STRIP1: variants seen among roughly 807,000 people sequenced by gnomAD.
STRIP1 encodes striatin-interacting protein 1.
In STRIP1, 63 loss-of-function variants were observed where a neutral mutation model predicts 106.2. The observed-to-expected ratio is 0.59, with a 90% CI of 0.48 to 0.73. STRIP1 has a LOEUF of 0.73. Ranked by LOEUF, STRIP1 falls within the 30% of genes least tolerant of loss-of-function variation. The pLI is 0.00. For missense variants in STRIP1, 857 were observed against 1,074.8 expected (o/e 0.80, Z 2.83); for synonymous variants, 390 against 413.0 (o/e 0.94, Z 0.67).
At chr1:110,047,741 G>A in intron 14 of STRIP1, 31 bp from the exon 15 acceptor site, 1 of 1,553,546 alleles carries the variant, frequency 6.4e-7, no homozygotes, top group Non-Finnish European at 8.7e-7. Context: ...TGGGCTCTCA[G>A]ACCTGTGTCT....
chr1:110,041,591 G>A lies in STRIP1; in HGVS notation c.706G>A (p.Gly236Ser), dbSNP rs1390075183. Residue 236 changes from glycine to serine, a missense_variant, in exon 7 of 21, where the codon GGT (glycine) becomes AGT (serine). Coordinates refer to ENST00000369795, the MANE Select transcript of STRIP1 (RefSeq NM_033088.4). ...GGAGACCGTTCATCAGGAGTGTGAG[G>A]GTGACAAGGCTGAGTGGAGGACCAT... ...IVETVHQECE[G>S]DKAEWRTMRQ... 1 of 1,614,104 alleles carries A rather than the reference G, an allele frequency of 6.2e-7. No individual in the cohort carries two copies. Among genetic ancestry groups the A allele is most frequent in the Admixed American group, 1.7e-5 (1 of 60,014 alleles).
At chr1:110,050,521 T>C in intron 18 of STRIP1, 112 bp downstream of exon 18, 1 of 1,028,218 alleles carries the variant, frequency 9.7e-7, no homozygotes, top group Non-Finnish European at 1.5e-6. Flanking sequence ...GTGAAATCAC[T>C]GTGGAGTGCC....
chr1:110,045,010 T>C lies in STRIP1; in HGVS notation c.1353-5T>C, dbSNP rs773639821. ...GCTCAACACAGGGCCTTCTTTATTC[T>C]CCAGTGACACGAACACAGTGGTGGG... On this transcript the variant is annotated splice_region_variant and splice_polypyrimidine_tract_variant and intron_variant, in intron 11 of 20. Transcript: ENST00000369795. 20 of 1,614,032 alleles carry C rather than the reference T, an allele frequency of 1.2e-5. No homozygotes were observed. Among genetic ancestry groups the C allele is most frequent in the Non-Finnish European group, 1.7e-5 (20 of 1,180,020 alleles).
At chr1:110,041,253 C>T (rs542429321) in intron 6 of STRIP1, 4 of 269,376 alleles carry the variant, frequency 1.5e-5, no homozygotes, top group East Asian at 8.2e-5. Flanking sequence ...CTGGGCGTCA[C>T]CTCTCAGCTC....
chr1:110,049,328 T>C, intron 16 of STRIP1, 90 bp downstream of exon 16: 1 of 1,593,086 alleles, frequency 6.3e-7, no homozygotes, highest in Non-Finnish European at 8.6e-7. Context: ...CCTTGGCCTT[T>C]GACCCACTTG....
At chr1:110,046,901 T>C in intron 13 of STRIP1, 150 bp downstream of exon 13, 1 of 502,982 alleles carries the variant, frequency 2.0e-6, no homozygotes, top group East Asian at 3.7e-5. Flanking sequence ...AAAAAAAAAA[T>C]TAGCCAGCCG....
chr1:110,040,551 G>A, intron 5 of STRIP1, 84 bp from the exon 6 acceptor site: 1 of 1,322,964 alleles, frequency 7.6e-7, no homozygotes, highest in East Asian at 2.5e-5. Flanking sequence ...ACAGCATTTT[G>A]TTTCCCCATT....
intron 5 of STRIP1, 131 bp from the exon 6 acceptor site, chr1:110,040,504 G>A (rs965328354): frequency 1.9e-5 from 15 of 789,954 alleles, no homozygotes; most frequent in Admixed American, 2.9e-5. Flanking sequence ...CTTAACCACC[G>A]TGTCCTGTGG....
chr1:110,053,869 A>C lies in STRIP1; in HGVS notation c.2471A>C (p.Glu824Ala). Residue 824 changes from glutamate to alanine, a missense_variant, in exon 21 of 21, where the codon GAG becomes GCG. Glu to Ala is a moderately radical substitution (Grantham distance 107). This residue lies in a region of STRIP1 where 750 missense variants were observed against 989.8 expected (regional missense o/e 0.76). Coordinates refer to ENST00000369795, the MANE Select transcript of STRIP1 (RefSeq NM_033088.4). ...AACTATGACCTCTGGTTAGAAAGGG[A>C]GGTCTTCTCCAAGCCCATTTCCTGG... Reference protein sequence around the residue: ...QMNYDLWLEREVFSKPISWEE... With the variant: ...QMNYDLWLERAVFSKPISWEE... 3 of 1,614,116 alleles carry C rather than the reference A, an allele frequency of 1.9e-6. No individual in the cohort carries two copies. Among genetic ancestry groups the C allele is most frequent in the Non-Finnish European group, 2.5e-6 (3 of 1,180,020 alleles).
At chr1:110,047,253 C>A (rs1366724464) in intron 13 of STRIP1, among the ~76,000 whole-genome samples, 3 of 152,164 alleles carry the variant, frequency 2.0e-5, no homozygotes, top group African/African-American at 7.2e-5. Flanking sequence ...CTGGGTCCAC[C>A]ACTTTATGGA....
intron 10 of STRIP1, among the ~76,000 whole-genome samples, chr1:110,044,161 T>C (rs986034760): frequency 6.6e-6 from 1 of 152,212 alleles, no homozygotes; most frequent in African/African-American, 2.4e-5. Context: ...TAAGCAAACA[T>C]GTCTCCACCC....
chr1:110,034,594 C>A (rs1359506159), upstream of STRIP1: 5 of 1,468,108 alleles, frequency 3.4e-6, no homozygotes, highest in South Asian at 2.7e-5. Context: ...AGTTGCATCA[C>A]GGCGGCTGTG....
Position 110,053,963 on chromosome 1 carries a change from C to G in STRIP1, c.*51C>G. On this transcript the variant is annotated 3_prime_UTR_variant, in exon 21 of 21. Coordinates refer to ENST00000369795, the MANE Select transcript of STRIP1 (RefSeq NM_033088.4). ...GAGAGAAAAGATGATCTGAAGGTAC[C>G]TGTGGGACTGTCCTAGTTCATTGCT... is the stretch of plus-strand genomic sequence containing the variant. The G allele has an allele frequency of 6.2e-7, 1 of 1,601,370 alleles. No homozygotes were observed. The highest frequency in any genetic ancestry group is 8.5e-7 in the Non-Finnish European group (1 of 1,173,530).
chr1:110,049,240 T>A lies in STRIP1; in HGVS notation c.1788+2T>A. The A allele has an allele frequency of 6.2e-7, 1 of 1,614,094 alleles. No homozygotes were observed. Among genetic ancestry groups the A allele is most frequent in the Non-Finnish European group, 8.5e-7 (1 of 1,180,020 alleles). On this transcript the variant is annotated splice_donor_variant, in intron 16 of 20. Transcript: ENST00000369795. LOFTEE classifies it high-confidence loss of function. ...TTTAAGTTGAACCATGTCTACCAGG[T>A]ACCCACAGGGCTTTCCCTCCTGTCC... is the stretch of plus-strand genomic sequence containing the variant.
chr1:110,052,777 G>A (rs550985429), intron 20 of STRIP1, among the ~76,000 whole-genome samples: 1 of 152,040 alleles, frequency 6.6e-6, no homozygotes, highest in Non-Finnish European at 1.5e-5. Flanking sequence ...GCCTTCTCAG[G>A]GGGTTCTTGA....
chr1:110,050,042 T>A (rs185302033), intron 17 of STRIP1: 65 of 420,834 alleles, frequency 1.5e-4, no homozygotes, highest in Admixed American at 4.8e-4. Context: ...ATAAATTAGT[T>A]GCCCTGAGCT....
chr1:110,046,345 C>T (rs752697062), intron 12 of STRIP1, among the ~76,000 whole-genome samples: 1 of 152,006 alleles, frequency 6.6e-6, no homozygotes, highest in Non-Finnish European at 1.5e-5. Flanking sequence ...ACTAAAAATA[C>T]AAAAATTAGC....
Position 110,047,721 on chromosome 1 carries a change from A to G in STRIP1, c.1564-51A>G. The stretch of plus-strand genomic sequence containing the variant: ...CAACAGGAGGACTGCTCAGAGCTTA[A>G]TTTTGACCCTGGGCTCTCAGACCTG... On this transcript the variant is annotated intron_variant, in intron 14 of 20. Transcript: ENST00000369795. The G allele has an allele frequency of 2.6e-6, 4 of 1,546,368 alleles. 1 individual carries two copies. In the South Asian group the frequency reaches 4.7e-5, roughly 18 times the overall value.
chr1:110,044,029 G>C (rs1022688693), intron 10 of STRIP1, among the ~76,000 whole-genome samples, 173 bp downstream of exon 10: 12 of 152,280 alleles, frequency 7.9e-5, no homozygotes, highest in Admixed American at 2.6e-4. Flanking sequence ...TCTCAGGGAG[G>C]CCGGCCTTGC....
Sources: allele counts gnomAD v4.1 joint callset (sites outside exome capture counted in the v4.1 genomes callset), GRCh38; gene constraint gnomAD v4.1.1; regional missense constraint gnomAD v4.1.1; transcripts MANE v1.5; gene names NCBI Gene and HGNC (gene_info 2026-07-23, HGNC 2026-07-21).